The following DMD variants were observed in gnomAD, a reference collection of about 807,000 sequenced individuals.
DMD encodes dystrophin, also known as mutant dystrophin.
Under a neutral mutation model 330.1 loss-of-function variants are expected in DMD, and 63 were observed. That is an observed-to-expected ratio of 0.19 (90% CI 0.16 to 0.24). The LOEUF is 0.24. Among genes scored for constraint, DMD ranks in the 10% least tolerant of loss-of-function variants. DMD has a pLI of 1.00. For synonymous variants in DMD, 1,223 were observed against 959.8 expected (o/e 1.27, Z -5.07); for missense variants, 3,344 against 2,684.1 (o/e 1.25, Z -5.43).
chrX:31,887,557 C>T (rs914082166), intron 47 of DMD, among the ~76,000 whole-genome samples: 3 of 111,711 alleles, frequency 2.7e-5, no homozygotes, highest in African/African-American at 9.7e-5. Flanking sequence ...TTTTCCTTAT[C>T]GACACATATA....
intron 11 of DMD, among the ~76,000 whole-genome samples, chrX:32,628,860 C>A (rs1189065436): frequency 8.9e-6 from 1 of 111,764 alleles, no homozygotes; most frequent in Admixed American, 9.5e-5. Context: ...TTGATATATT[C>A]AGTTGTGATC....
intron 11 of DMD, among the ~76,000 whole-genome samples, chrX:32,625,437 G>C (rs1308907493): frequency 9.0e-6 from 1 of 111,357 alleles, no homozygotes; most frequent in African/African-American, 3.3e-5. Context: ...GCTATAAACC[G>C]ACAGATAATT....
intron 45 of DMD, among the ~76,000 whole-genome samples, chrX:31,945,665 T>C (rs1411196164): frequency 8.9e-6 from 1 of 112,123 alleles, no homozygotes; most frequent in Non-Finnish European, 1.9e-5. Flanking sequence ...AAGAGTTTAA[T>C]GCAAACCATA....
At chrX:32,549,598 G>A (rs957500488) in intron 16 of DMD, among the ~76,000 whole-genome samples, 27 of 112,037 alleles carry the variant, frequency 2.4e-4, no homozygotes, top group African/African-American at 8.1e-4. Flanking sequence ...AGGGAAATTT[G>A]AAGAATTTTT....
intron 44 of DMD, among the ~76,000 whole-genome samples, chrX:32,173,870 A>G (rs768082298): frequency 8.9e-6 from 1 of 111,805 alleles, no homozygotes; most frequent in East Asian, 2.8e-4. Flanking sequence ...TTTATATGAT[A>G]TACCATAAGA....
At chrX:33,214,107 CTTATTTCCTT>C (rs2052008814), upstream of DMD, among the ~76,000 whole-genome samples, 1 of 105,045 alleles carries the variant, frequency 9.5e-6, no homozygotes, top group African/African-American at 3.5e-5. Flanking sequence ...TCATCAATAG[CTTATTTCCTT>C]TTATTGCTGA....
chrX:32,498,735 G>A (rs2043749089), intron 19 of DMD, among the ~76,000 whole-genome samples: 1 of 111,652 alleles, frequency 9.0e-6, no homozygotes, highest in South Asian at 3.7e-4. Context: ...AAAATAAAAA[G>A]TATCTTCCAA....
chrX:31,336,278 TCAGA>T (rs10600022), intron 61 of DMD, among the ~76,000 whole-genome samples: 55,069 of 110,216 alleles, frequency 0.5, 10,593 homozygotes, highest in African/African-American at 0.72. Context: ...ACAGGGGACA[TCAGA>T]CAGACAATGT....
At chrX:32,795,347 G>A (rs1388167637) in intron 7 of DMD, among the ~76,000 whole-genome samples, 1 of 112,053 alleles carries the variant, frequency 8.9e-6, no homozygotes, top group Non-Finnish European at 1.9e-5. Flanking sequence ...TTTGACAAAA[G>A]CACCAAGAAC....
chrX:32,753,798 T>C (rs981422670), intron 7 of DMD, among the ~76,000 whole-genome samples: 3 of 112,090 alleles, frequency 2.7e-5, no homozygotes, highest in Non-Finnish European at 5.6e-5. Flanking sequence ...TACATGTTAA[T>C]ATGTTCTTGA....
intron 44 of DMD, among the ~76,000 whole-genome samples, chrX:32,113,723 G>T (rs1281028115): frequency 1.8e-5 from 2 of 111,478 alleles, no homozygotes; most frequent in South Asian, 3.7e-4. Flanking sequence ...AACTCCTGAC[G>T]ATTCTAGGAA....
chrX:32,991,601 CA>C (rs1429102581), intron 2 of DMD, among the ~76,000 whole-genome samples: 1 of 111,688 alleles, frequency 9.0e-6, no homozygotes, highest in African/African-American at 3.3e-5. Flanking sequence ...CCAAATTGGA[CA>C]GCACAAGTCT....
At chrX:32,717,289 C>A (rs2147855644) in intron 7 of DMD, among the ~76,000 whole-genome samples, 1 of 111,482 alleles carries the variant, frequency 9.0e-6, no homozygotes, top group African/African-American at 3.3e-5. Context: ...GGCCTCACTG[C>A]TCTGCACAAC....
intron 44 of DMD, among the ~76,000 whole-genome samples, chrX:32,158,487 T>C (rs926701882): frequency 9.0e-6 from 1 of 111,186 alleles, no homozygotes; most frequent in South Asian, 3.8e-4. Context: ...TGCCTGAGAG[T>C]CTCCATTTCC....
chrX:32,636,561 T>TA (rs1274050840), intron 11 of DMD, among the ~76,000 whole-genome samples: 1 of 112,477 alleles, frequency 8.9e-6, no homozygotes, highest in African/African-American at 3.2e-5. Flanking sequence ...TCCATCCATA[T>TA]AGCTGAACAG....
intron 1 of DMD, among the ~76,000 whole-genome samples, chrX:33,199,331 C>T (rs1190417144): frequency 2.7e-5 from 3 of 110,931 alleles, no homozygotes; most frequent in Non-Finnish European, 5.7e-5. Context: ...GGATAAAACC[C>T]ACAGTGACTG....
intron 64 of DMD, among the ~76,000 whole-genome samples, chrX:31,210,120 G>C (rs1008754554): frequency 8.9e-6 from 1 of 111,877 alleles, no homozygotes; most frequent in South Asian, 3.7e-4. Context: ...AGATCTGTTA[G>C]ATTAATCTGT....
intron 55 of DMD, among the ~76,000 whole-genome samples, chrX:31,562,077 T>C (rs892088048): frequency 8.9e-6 from 1 of 112,229 alleles, no homozygotes. Context: ...ATGGAATATG[T>C]TAATTGAAAC....
chrX:31,889,647 TCACACACACA>T (rs773894352), intron 47 of DMD, among the ~76,000 whole-genome samples: 2 of 71,614 alleles, frequency 2.8e-5, no homozygotes, highest in African/African-American at 1.1e-4. Context: ...TCTCTCTCTC[TCACACACACA>T]CACACACACA....
Sources: allele counts gnomAD v4.1 joint callset (sites outside exome capture counted in the v4.1 genomes callset), GRCh38; gene constraint gnomAD v4.1.1; transcripts MANE v1.5; gene names NCBI Gene and HGNC (gene_info 2026-07-23, HGNC 2026-07-21).